PGM5: variants seen among roughly 807,000 people sequenced by gnomAD.
The protein encoded by PGM5 is phosphoglucomutase-like protein 5.
A neutral mutation model predicts 59.2 loss-of-function variants in PGM5; 23 were observed. That is an observed-to-expected ratio of 0.39 (90% CI 0.28 to 0.55). The LOEUF (loss-of-function observed/expected upper bound fraction) is 0.55. Ranked by LOEUF, PGM5 falls within the 20% of genes least tolerant of loss-of-function variation. The probability of loss-of-function intolerance (pLI) is 0.66; values close to 1 mark genes in which losing one functional copy is unlikely to be tolerated. For missense variants in PGM5, 574 were observed against 748.3 expected (o/e 0.77, Z 2.72); for synonymous variants, 214 against 286.0 (o/e 0.75, Z 2.54).
At position 68,445,053 on chromosome 9, in the gene PGM5, A is replaced by G. The variant is rs1554683925; in HGVS notation, c.1044-20040A>G. Among the ~76,000 whole-genome samples the G allele has an allele frequency of 2.0e-5, 3 of 152,160 alleles. No individual in the cohort carries two copies. In the South Asian group the frequency reaches 6.2e-4, roughly 32 times the overall value. On this transcript the variant is annotated intron_variant, in intron 6 of 10. Coordinates refer to ENST00000396396, the MANE Select transcript of PGM5 (RefSeq NM_021965.4). ...CCCCTAATATCCCTTTTTGTTACAA[A>G]TCTTAAGAAATATATACTTTGGGTC... is the stretch of plus-strand genomic sequence containing the variant.
At chr9:68,461,328 C>T (rs1215859939) in intron 6 of PGM5, among the ~76,000 whole-genome samples, 4 of 152,120 alleles carry the variant, frequency 2.6e-5, no homozygotes, top group Non-Finnish European at 5.9e-5. Flanking sequence ...GTTTCATTGG[C>T]TAGAACTCAG....
chr9:68,433,051 A>G (rs1471143939), intron 6 of PGM5, among the ~76,000 whole-genome samples: 3 of 152,156 alleles, frequency 2.0e-5, no homozygotes, highest in African/African-American at 7.2e-5. Context: ...ATACCCTGCT[A>G]TGTATATTTT....
chr9:68,457,083 G>C (rs1200995659), intron 6 of PGM5, among the ~76,000 whole-genome samples: 1 of 152,044 alleles, frequency 6.6e-6, no homozygotes, highest in Admixed American at 6.6e-5. Context: ...TTATCAGTTT[G>C]TAGGACTTCT....
At chr9:68,487,498 A>AC (rs1564019240) in intron 9 of PGM5, among the ~76,000 whole-genome samples, 3 of 149,388 alleles carry the variant, frequency 2.0e-5, no homozygotes, top group Non-Finnish European at 4.5e-5. Flanking sequence ...ACACACACAC[A>AC]AATCAGGTGT....
chr9:68,376,837 T>TTC (rs1444291881), intron 1 of PGM5, among the ~76,000 whole-genome samples: 12 of 119,854 alleles, frequency 1.0e-4, no homozygotes, highest in African/African-American at 1.8e-4. Context: ...TTCTTTCTCT[T>TTC]TCTTTCTTTC....
At chr9:68,514,657 G>A (rs1206080052) in intron 10 of PGM5, among the ~76,000 whole-genome samples, 1 of 152,082 alleles carries the variant, frequency 6.6e-6, no homozygotes, top group African/African-American at 2.4e-5. Flanking sequence ...GGAAAAAAGG[G>A]CAAGAAGTCC....
intron 6 of PGM5, among the ~76,000 whole-genome samples, chr9:68,403,911 C>G (rs1822739245): frequency 6.6e-6 from 1 of 152,170 alleles, no homozygotes; most frequent in Admixed American, 6.5e-5. Context: ...TAGTAAAACT[C>G]TGAAAGAAGC....
intron 2 of PGM5, 121 bp downstream of exon 2, chr9:68,378,482 C>T (rs2989623): frequency 2.4e-6 from 3 of 1,267,424 alleles, no homozygotes; most frequent in Non-Finnish European, 3.2e-6. Flanking sequence ...CAGAAAAATT[C>T]AGTGAGGTGC....
chr9:68,408,786 T>G (rs1382163150), intron 6 of PGM5, among the ~76,000 whole-genome samples: 18 of 152,372 alleles, frequency 1.2e-4, no homozygotes, highest in African/African-American at 4.3e-4. Flanking sequence ...TTCAGCTTTC[T>G]ACATATGACT....
intron 6 of PGM5, among the ~76,000 whole-genome samples, chr9:68,419,494 AG>A (rs1356771290): frequency 1.3e-5 from 2 of 152,298 alleles, no homozygotes; most frequent in Middle Eastern, 3.4e-3. Flanking sequence ...TGATCAGAGT[AG>A]GTACTGCTTC....
At chr9:68,450,709 A>G (rs1240708859) in intron 6 of PGM5, among the ~76,000 whole-genome samples, 1 of 152,250 alleles carries the variant, frequency 6.6e-6, no homozygotes, top group Admixed American at 6.5e-5. Context: ...AAAATATGTT[A>G]TAAGTGAAGG....
At chr9:68,383,103 CACA>C (rs1206953676) in intron 2 of PGM5, among the ~76,000 whole-genome samples, 1 of 151,802 alleles carries the variant, frequency 6.6e-6, no homozygotes, top group Non-Finnish European at 1.5e-5. Context: ...ACTTTTCCCA[CACA>C]ACAAGAAAAT....
Position 68,411,011 on chromosome 9 carries a change from C to T in PGM5, c.1043+18538C>T, listed in dbSNP as rs1184764063. Among the ~76,000 whole-genome samples the T allele has an allele frequency of 4.6e-5, 7 of 152,150 alleles. No homozygotes were observed. In the South Asian group the frequency reaches 1.2e-3, roughly 27 times the overall value. ...CCAGCAGTGCAAGCTATTACCCTCA[C>T]ATACGATGTGGTCTTATGGCAGAAA... On this transcript the variant is annotated intron_variant, in intron 6 of 10. Coordinates refer to ENST00000396396, the MANE Select transcript of PGM5 (RefSeq NM_021965.4).
At chr9:68,461,667 C>T (rs540466034) in intron 6 of PGM5, among the ~76,000 whole-genome samples, 5 of 152,228 alleles carry the variant, frequency 3.3e-5, no homozygotes, top group African/African-American at 1.2e-4. Flanking sequence ...CCATGTGCAG[C>T]AAGAAGGCCT....
At position 68,491,425 on chromosome 9, in the gene PGM5, C is replaced by T. The variant is rs1263538126; in HGVS notation, c.1479+7377C>T. ...GTGGTTGTTATATGGTTGTTTAGCT[C>T]TCCAGATAAAGAGCTAAGGTTTCCT... is the stretch of plus-strand genomic sequence containing the variant. On this transcript the variant is annotated intron_variant, in intron 9 of 10. Coordinates refer to ENST00000396396, the MANE Select transcript of PGM5 (RefSeq NM_021965.4). Among the ~76,000 whole-genome samples the T allele has an allele frequency of 5.3e-5, 8 of 152,252 alleles. No homozygotes were observed. In the East Asian group the frequency reaches 1.5e-3, roughly 29 times the overall value.
chr9:68,438,164 C>T (rs1158775843), intron 6 of PGM5, among the ~76,000 whole-genome samples: 1 of 151,734 alleles, frequency 6.6e-6, no homozygotes, highest in Non-Finnish European at 1.5e-5. Flanking sequence ...TGGCACACAC[C>T]TGTAGTCCCA....
In PGM5 at chr9:68,503,057, T is replaced by A. The variant is rs149438794; in HGVS notation, c.1614+3696T>A. Among the ~76,000 whole-genome samples, 199 of 152,298 alleles carry A rather than the reference T, an allele frequency of 1.3e-3. 1 individual carries two copies. The highest frequency in any genetic ancestry group is 4.7e-3 in the African/African-American group (196 of 41,578). On this transcript the variant is annotated intron_variant, in intron 10 of 10. Coordinates refer to ENST00000396396, the MANE Select transcript of PGM5 (RefSeq NM_021965.4). Reference sequence around the variant, plus strand: ...AACTAATACCTAAGAACCAGGTCCCTCATATTTATTCACCTGTCAAACCAA... The same window carrying A: ...AACTAATACCTAAGAACCAGGTCCCACATATTTATTCACCTGTCAAACCAA...
intron 8 of PGM5, among the ~76,000 whole-genome samples, chr9:68,480,176 A>G (rs1457283172): frequency 6.6e-6 from 1 of 152,332 alleles, no homozygotes. Context: ...TGGCTGTGAG[A>G]GCCGTGCAGT....
intron 6 of PGM5, among the ~76,000 whole-genome samples, chr9:68,455,962 G>C (rs968817854): frequency 6.6e-6 from 1 of 152,210 alleles, no homozygotes; most frequent in Non-Finnish European, 1.5e-5. Flanking sequence ...GACTATGGCT[G>C]TTTGTCGCTG....
Sources: allele counts gnomAD v4.1 joint callset (sites outside exome capture counted in the v4.1 genomes callset), GRCh38; gene constraint gnomAD v4.1.1; transcripts MANE v1.5; gene names NCBI Gene and HGNC (gene_info 2026-07-23, HGNC 2026-07-21).